The following ATXN1 variants were observed in gnomAD, a reference collection of about 807,000 sequenced individuals.
ATXN1 encodes ataxin 1, also known as ataxin-1.
ATXN1 carries 8 observed loss-of-function variants against 56.4 expected under a neutral mutation model. The ratio of observed to expected loss-of-function variants is 0.14; its 90% confidence interval spans 0.08 to 0.26. The LOEUF (loss-of-function observed/expected upper bound fraction) is 0.26, where lower values mean the gene tolerates loss of function less well. Among genes scored for constraint, ATXN1 ranks in the 10% least tolerant of loss-of-function variants. The pLI is 1.00. For missense variants in ATXN1, 987 were observed against 1,106.5 expected (o/e 0.89, Z 1.53); for synonymous variants, 514 against 494.6 (o/e 1.04, Z -0.52).
chr6:16,552,661 C>T (rs1457995016), intron 4 of ATXN1, among the ~76,000 whole-genome samples: 5 of 152,212 alleles, frequency 3.3e-5, no homozygotes, highest in African/African-American at 7.2e-5. Flanking sequence ...CCCCCATCTG[C>T]CCACATCCAG....
chr6:16,658,495 AC>A (rs1246362946), intron 2 of ATXN1, among the ~76,000 whole-genome samples: 4 of 152,340 alleles, frequency 2.6e-5, no homozygotes, highest in African/African-American at 7.2e-5. Context: ...AGCAGTAGTT[AC>A]TTTACACACT....
intron 3 of ATXN1, among the ~76,000 whole-genome samples, chr6:16,628,816 C>T (rs1384662765): frequency 6.6e-6 from 1 of 152,190 alleles, no homozygotes; most frequent in African/African-American, 2.4e-5. Context: ...TTTATGGCTG[C>T]ATAGTATTCC....
At chr6:16,570,605 T>C (rs1489785750) in intron 4 of ATXN1, among the ~76,000 whole-genome samples, 1 of 152,200 alleles carries the variant, frequency 6.6e-6, no homozygotes, top group Admixed American at 6.5e-5. Flanking sequence ...TGAAAACAGC[T>C]TGCTCACTTC....
chr6:16,513,742 G>A (rs1469958690), intron 5 of ATXN1, among the ~76,000 whole-genome samples: 1 of 152,168 alleles, frequency 6.6e-6, no homozygotes, highest in Non-Finnish European at 1.5e-5. Flanking sequence ...CTGTCCACCA[G>A]AGTAAGCAGG....
At chr6:16,669,973 C>G (rs1398397233) in intron 2 of ATXN1, among the ~76,000 whole-genome samples, 1 of 152,078 alleles carries the variant, frequency 6.6e-6, no homozygotes, top group African/African-American at 2.4e-5. Context: ...AGCTGACCAC[C>G]CCATGACCCC....
rs371705340 is a variant in ATXN1, at chr6:16,382,667, C to T, written c.-160-54197G>A. The stretch of plus-strand genomic sequence containing the variant: ...TAACAATGAAGATGCTGACTTTCAA[C>T]GTCTGTTACTGTAGCCTAGGTAGAG... On this transcript the variant is annotated intron_variant, in intron 6 of 7. Coordinates refer to ENST00000436367, the MANE Select transcript of ATXN1 (RefSeq NM_001128164.2). Among the ~76,000 whole-genome samples the T allele has an allele frequency of 4.6e-5, 7 of 152,122 alleles. No homozygotes were observed. In the East Asian group the frequency reaches 1.2e-3, roughly 25 times the overall value.
chr6:16,566,680 C>T (rs1032122142), intron 4 of ATXN1, among the ~76,000 whole-genome samples: 10 of 151,854 alleles, frequency 6.6e-5, no homozygotes, highest in Non-Finnish European at 1.0e-4. Context: ...TGTGAAACCC[C>T]GTCTCTACTA....
rs369553507 is a variant in ATXN1, at chr6:16,635,799, G to A, written c.-489+21977C>T. Among the ~76,000 whole-genome samples the A allele has an allele frequency of 9.2e-5, 14 of 152,322 alleles. No individual in the cohort carries two copies. In the East Asian group the frequency reaches 2.5e-3, roughly 27 times the overall value. On this transcript the variant is annotated intron_variant, in intron 3 of 7. Coordinates refer to ENST00000436367, the MANE Select transcript of ATXN1 (RefSeq NM_001128164.2). ...ATCCAAAAGCATCCTGAAAACATGA[G>A]TGGAGGAAGGCTGAGCAGGTGTGGG...
At chr6:16,569,819 T>C (rs1762300148) in intron 4 of ATXN1, among the ~76,000 whole-genome samples, 1 of 152,180 alleles carries the variant, frequency 6.6e-6, no homozygotes, top group Admixed American at 6.5e-5. Flanking sequence ...TGGAAGGAAG[T>C]GGTATATGCC....
intron 3 of ATXN1, among the ~76,000 whole-genome samples, chr6:16,588,383 G>A (rs1762666154): frequency 1.3e-5 from 2 of 152,160 alleles, no homozygotes; most frequent in Admixed American, 1.3e-4. Context: ...TTCCTTAAAA[G>A]GACCTTGCTT....
intron 6 of ATXN1, among the ~76,000 whole-genome samples, chr6:16,413,899 T>C (rs1758851133): frequency 1.3e-5 from 2 of 152,234 alleles, no homozygotes; most frequent in South Asian, 4.1e-4. Context: ...AAACAAGAGT[T>C]ACTTTACATT....
chr6:16,611,314 C>G (rs558758069), intron 3 of ATXN1, among the ~76,000 whole-genome samples: 1 of 151,856 alleles, frequency 6.6e-6, no homozygotes, highest in Non-Finnish European at 1.5e-5. Flanking sequence ...CATATTTAGT[C>G]AAATTTAAGA....
intron 4 of ATXN1, among the ~76,000 whole-genome samples, chr6:16,526,071 A>G (rs990149997): frequency 2.0e-5 from 3 of 148,192 alleles, no homozygotes; most frequent in Non-Finnish European, 4.5e-5. Flanking sequence ...ATATACATAC[A>G]TACAATCTAT....
chr6:16,585,071 TAA>T (rs1259577115), intron 4 of ATXN1, among the ~76,000 whole-genome samples: 1 of 142,074 alleles, frequency 7.0e-6, no homozygotes. Context: ...CATCACTATA[TAA>T]AAAAAAAAAA....
At chr6:16,432,196 A>C (rs527643238) in intron 6 of ATXN1, among the ~76,000 whole-genome samples, 1 of 152,352 alleles carries the variant, frequency 6.6e-6, no homozygotes, top group South Asian at 2.1e-4. Flanking sequence ...CATTTTGCTC[A>C]GTGGTTCTGA....
intron 7 of ATXN1, among the ~76,000 whole-genome samples, chr6:16,308,272 A>C (rs1375154171): frequency 6.6e-6 from 1 of 150,784 alleles, no homozygotes; most frequent in Non-Finnish European, 1.5e-5. Flanking sequence ...GCTGCAGTGA[A>C]CCGAGATCAT....
chr6:16,419,518 C>T (rs1758988469), intron 6 of ATXN1, among the ~76,000 whole-genome samples: 1 of 151,966 alleles, frequency 6.6e-6, no homozygotes, highest in Non-Finnish European at 1.5e-5. Flanking sequence ...TCTTGTGATA[C>T]AACCATGGAG....
intron 6 of ATXN1, among the ~76,000 whole-genome samples, chr6:16,347,933 C>T (rs1378203534): frequency 6.6e-6 from 1 of 152,178 alleles, no homozygotes; most frequent in African/African-American, 2.4e-5. Context: ...TGGATCTATA[C>T]TGCCTGTATG....
chr6:16,539,413 G>A (rs1334270070), intron 4 of ATXN1, among the ~76,000 whole-genome samples: 1 of 152,132 alleles, frequency 6.6e-6, no homozygotes, highest in African/African-American at 2.4e-5. Context: ...ATTATACACA[G>A]TCATGGCAGT....
Sources: gnomAD v4.1 joint callset for allele counts (sites outside exome capture counted in the v4.1 genomes callset) on GRCh38, gnomAD v4.1.1 for gene constraint, MANE v1.5 for transcripts, NCBI Gene and HGNC (gene_info 2026-07-23, HGNC 2026-07-21) for gene names.